The following ZCCHC7 variants were observed in gnomAD, a reference collection of about 807,000 sequenced individuals.
ZCCHC7 encodes zinc finger CCHC-type containing 7, also known as zinc finger CCHC domain-containing protein 7.
ZCCHC7 carries 35 observed loss-of-function variants against 52.0 expected under a neutral mutation model. That is an observed-to-expected ratio of 0.67 (90% CI 0.51 to 0.89). ZCCHC7 has a LOEUF of 0.89. ZCCHC7 is among the 40% of genes least tolerant of loss of function. ZCCHC7 has a pLI of 0.00. For missense variants in ZCCHC7, 574 were observed against 649.1 expected (o/e 0.88, Z 1.26); for synonymous variants, 217 against 221.5 (o/e 0.98, Z 0.18).
intron 2 of ZCCHC7, among the ~76,000 whole-genome samples, chr9:37,278,067 A>ATTGT (rs1564221074): frequency 7.5e-6 from 1 of 134,022 alleles, no homozygotes; most frequent in Non-Finnish European, 1.7e-5. Context: ...TTTTGTTTTG[A>ATTGT]GGCAGGAGTC....
At chr9:37,320,927 T>C (rs1333387122) in intron 5 of ZCCHC7, among the ~76,000 whole-genome samples, 4 of 152,072 alleles carry the variant, frequency 2.6e-5, no homozygotes, top group Non-Finnish European at 5.9e-5. Flanking sequence ...TTAAACAATT[T>C]GCTCTATTAA....
At chr9:37,120,490 T>G (rs916015935), upstream of ZCCHC7, 11 of 398,766 alleles carry the variant, frequency 2.8e-5, no homozygotes, top group Admixed American at 4.4e-4. Context: ...TGACTAGAGC[T>G]GTGTTGTCCC....
At chr9:37,125,564 T>C (rs1205637788) in intron 1 of ZCCHC7, among the ~76,000 whole-genome samples, 1 of 152,242 alleles carries the variant, frequency 6.6e-6, no homozygotes, top group Non-Finnish European at 1.5e-5. Flanking sequence ...TGTTTCCTGT[T>C]ATAGATTTTA....
intron 2 of ZCCHC7, among the ~76,000 whole-genome samples, chr9:37,164,175 C>G (rs1417442829): frequency 6.6e-6 from 1 of 151,892 alleles, no homozygotes; most frequent in Admixed American, 6.6e-5. Flanking sequence ...GTCATGGTAG[C>G]TCACGCCTGT....
intron 2 of ZCCHC7, among the ~76,000 whole-genome samples, chr9:37,296,881 T>TTGTGTGTGTGTGTGTGTGTGTGTGTG (rs56378965): frequency 4.0e-5 from 5 of 124,204 alleles, no homozygotes; most frequent in Admixed American, 8.5e-5. Flanking sequence ...CCTGGCTAGT[T>TTGTGTGTGTGTGTGTGTGTGTGTGTG]TGTGTGTGTG....
intron 2 of ZCCHC7, among the ~76,000 whole-genome samples, chr9:37,255,719 A>G (rs949333581): frequency 5.3e-5 from 8 of 152,170 alleles, no homozygotes; most frequent in African/African-American, 9.6e-5. Flanking sequence ...ATAGTGCTCT[A>G]TCAGCCCTTT....
chr9:37,286,413 G>A (rs1452953950), intron 2 of ZCCHC7, among the ~76,000 whole-genome samples: 1 of 152,130 alleles, frequency 6.6e-6, no homozygotes, highest in African/African-American at 2.4e-5. Flanking sequence ...TATAATTCCA[G>A]CACTTTGGGA....
chr9:37,232,212 C>G (rs1288193385), intron 2 of ZCCHC7, among the ~76,000 whole-genome samples: 1 of 152,162 alleles, frequency 6.6e-6, no homozygotes, highest in African/African-American at 2.4e-5. Flanking sequence ...TGTGCCAGTT[C>G]TGAACAGTAT....
chr9:37,282,604 CAAAAAAAAAA>C (rs60743608), intron 2 of ZCCHC7, among the ~76,000 whole-genome samples: 1 of 52,546 alleles, frequency 1.9e-5, no homozygotes, highest in African/African-American at 7.9e-5. Context: ...GACTCTGTCT[CAAAAAAAAAA>C]AAAAAAAAAA....
chr9:37,129,674 G>A (rs1351439641), intron 2 of ZCCHC7, among the ~76,000 whole-genome samples: 1 of 151,974 alleles, frequency 6.6e-6, no homozygotes, highest in African/African-American at 2.4e-5. Flanking sequence ...CTGTTTCCTT[G>A]ACCTCACTCA....
At chr9:37,246,827 T>TCTTGGAAC (rs1392682414) in intron 2 of ZCCHC7, among the ~76,000 whole-genome samples, 1 of 152,122 alleles carries the variant, frequency 6.6e-6, no homozygotes, top group Non-Finnish European at 1.5e-5. Flanking sequence ...AGCTGAGGCA[T>TCTTGGAAC]CTTGGAACCT....
intron 2 of ZCCHC7, among the ~76,000 whole-genome samples, chr9:37,275,473 G>A (rs368247304): frequency 6.6e-6 from 1 of 152,074 alleles, no homozygotes; most frequent in East Asian, 1.9e-4. Context: ...GACTATACCA[G>A]AGTTTATTCA....
intron 2 of ZCCHC7, among the ~76,000 whole-genome samples, chr9:37,286,248 A>G (rs1462838938): frequency 6.6e-6 from 1 of 152,224 alleles, no homozygotes; most frequent in Non-Finnish European, 1.5e-5. Context: ...TGCCACTGAG[A>G]AGATTTTTGG....
intron 2 of ZCCHC7, among the ~76,000 whole-genome samples, chr9:37,142,736 A>G (rs771312886): frequency 2.0e-5 from 3 of 151,732 alleles, no homozygotes; most frequent in Non-Finnish European, 4.4e-5. Context: ...TCCTCCTTTT[A>G]AAGTATTTTA....
intron 2 of ZCCHC7, among the ~76,000 whole-genome samples, chr9:37,195,384 C>T (rs1433738420): frequency 6.6e-6 from 1 of 152,150 alleles, no homozygotes; most frequent in African/African-American, 2.4e-5. Context: ...GCAGAAGAAA[C>T]TACAAAATAA....
At chr9:37,194,387 C>G (rs890259914) in intron 2 of ZCCHC7, among the ~76,000 whole-genome samples, 3 of 151,944 alleles carry the variant, frequency 2.0e-5, no homozygotes, top group Non-Finnish European at 4.4e-5. Context: ...AACTCAAGAG[C>G]AAGACTGTTA....
chr9:37,246,111 C>G (rs988428351), intron 2 of ZCCHC7, among the ~76,000 whole-genome samples: 1 of 152,110 alleles, frequency 6.6e-6, no homozygotes, highest in African/African-American at 2.4e-5. Context: ...CAAGATCAAA[C>G]TTAAAGAGAC....
At chr9:37,221,936 T>C (rs2133265056) in intron 2 of ZCCHC7, among the ~76,000 whole-genome samples, 1 of 152,152 alleles carries the variant, frequency 6.6e-6, no homozygotes, top group South Asian at 2.1e-4. Flanking sequence ...CTATAAAAGA[T>C]TCATAAAGAT....
At chr9:37,149,301 C>T (rs1224781283) in intron 2 of ZCCHC7, among the ~76,000 whole-genome samples, 1 of 152,104 alleles carries the variant, frequency 6.6e-6, no homozygotes. Flanking sequence ...GAAATTTGGG[C>T]TTCACATTGG....
Sources: gnomAD v4.1 joint callset for allele counts (sites outside exome capture counted in the v4.1 genomes callset) on GRCh38, gnomAD v4.1.1 for gene constraint, MANE v1.5 for transcripts, NCBI Gene and HGNC (gene_info 2026-07-23, HGNC 2026-07-21) for gene names.